The following PTPRA variants were observed in gnomAD, a reference collection of about 807,000 sequenced individuals.
The protein encoded by PTPRA is receptor-type tyrosine-protein phosphatase alpha.
PTPRA carries 25 observed loss-of-function variants against 104.8 expected under a neutral mutation model. That is an observed-to-expected ratio of 0.24 (90% confidence interval 0.17 to 0.33). The LOEUF is 0.33. Ranked by LOEUF, PTPRA falls within the 10% of genes least tolerant of loss-of-function variation. The pLI, the probability that PTPRA is intolerant of heterozygous loss-of-function variation, is 1.00. For synonymous variants in PTPRA, 323 were observed against 368.9 expected (o/e 0.88, Z 1.43); for missense variants, 765 against 1,015.3 (o/e 0.75, Z 3.35).
rs1463756578 is a variant in PTPRA at position 3,027,209 on chromosome 20, G to A, written c.1785+12G>A. On this transcript the variant is annotated intron_variant, in intron 19 of 23. Coordinates refer to ENST00000399903, the MANE Select transcript of PTPRA (RefSeq NM_001385305.1). ...CATCCTTTATTGATGTAAGTGGTGG[G>A]TGTGACCCCTGAGCCCCCAACACCC... The A allele has an allele frequency of 1.9e-6, 3 of 1,612,822 alleles. No homozygotes were observed. The highest frequency in any genetic ancestry group is 1.6e-4 in the Middle Eastern group (1 of 6,080).
intron 6 of PTPRA, among the ~76,000 whole-genome samples, chr20:2,982,221 G>A (rs886206081): frequency 1.3e-5 from 2 of 151,626 alleles, no homozygotes; most frequent in Admixed American, 6.6e-5. Flanking sequence ...CTCCTGAGTA[G>A]CTGGGACCAG....
At chr20:2,909,449 G>T (rs2059542940) in intron 1 of PTPRA, among the ~76,000 whole-genome samples, 2 of 151,906 alleles carry the variant, frequency 1.3e-5, no homozygotes, top group Non-Finnish European at 2.9e-5. Context: ...TGGTGTGGTG[G>T]CTCACACCTA....
chr20:3,018,490 A>C (rs6051530), intron 13 of PTPRA, among the ~76,000 whole-genome samples: 3,144 of 151,710 alleles, frequency 0.021, 88 homozygotes, highest in African/African-American at 0.059. Context: ...CCCTTAATCC[A>C]TTCAACCCTG....
rs1020981160 is a variant in PTPRA, at chr20:2,931,917, T to G, written c.-50+8632T>G. Among the ~76,000 whole-genome samples the G allele has an allele frequency of 9.2e-5, 14 of 152,312 alleles. 1 individual carries two copies. Among genetic ancestry groups the G allele is most frequent in the Admixed American group, 7.8e-4 (12 of 15,304 alleles). ...GCCATCATCTAGCACAGTGCCTGGC[T>G]TTTCAATGGAAGTCTGTTGAATGAC... On this transcript the variant is annotated intron_variant, in intron 2 of 23. Transcript: ENST00000399903.
intron 22 of PTPRA, among the ~76,000 whole-genome samples, chr20:3,036,261 T>G (rs1354371792): frequency 6.6e-6 from 1 of 152,214 alleles, no homozygotes; most frequent in Non-Finnish European, 1.5e-5. Flanking sequence ...CTCCCAGGTT[T>G]GAGCCTGGGT....
intron 5 of PTPRA, among the ~76,000 whole-genome samples, chr20:2,967,257 A>G (rs1479925299): frequency 2.0e-5 from 3 of 152,148 alleles, no homozygotes; most frequent in African/African-American, 4.8e-5. Flanking sequence ...GTTATTGTAC[A>G]TTTAACACAG....
Position 3,022,836 on chromosome 20 carries a change from G to T in PTPRA, c.1464+12G>T, listed in dbSNP as rs779994113. ...TGGTGCAAACCGATGTGAGTGATCT[G>T]TGGGTCAGGTGAGGGTGGGGGGTTC... is the stretch of plus-strand genomic sequence containing the variant. On this transcript the variant is annotated intron_variant, in intron 16 of 23. Transcript: ENST00000399903. This position sits in a 1 kb window ranked among gnomAD's most constrained non-coding sequence, Gnocchi z 4.6. 9 of 1,614,034 alleles carry T rather than the reference G, an allele frequency of 5.6e-6. No homozygotes were observed. Among genetic ancestry groups the T allele is most frequent in the African/African-American group, 1.3e-5 (1 of 74,932 alleles).
rs1204348636 is a variant in PTPRA, at chr20:2,922,847, C to T, written c.-128-360C>T. On this transcript the variant is annotated intron_variant, in intron 1 of 23. Transcript: ENST00000399903. ...GCAGGATTTCAGCATGTTGGCTAGGCTGGTCTCAAACTCCTGACCTCAAGT... is the reference window on the plus strand; with the variant it reads ...GCAGGATTTCAGCATGTTGGCTAGGTTGGTCTCAAACTCCTGACCTCAAGT... Among the ~76,000 whole-genome samples the T allele has an allele frequency of 4.6e-5, 7 of 151,512 alleles. No individual in the cohort carries two copies. In the East Asian group the frequency reaches 1.4e-3, roughly 29 times the overall value.
rs756409812 is a variant in PTPRA at position 2,945,948 on chromosome 20, G to GTA, written c.-49-2022_-49-2021dup. Among the ~76,000 whole-genome samples the GTA allele has an allele frequency of 1.4e-3, 210 of 150,730 alleles. 1 individual carries two copies. Among genetic ancestry groups the GTA allele is most frequent in the Middle Eastern group, 3.5e-3 (1 of 288 alleles). ...CATCTCAATATATATATGCGTGTGT[G>GTA]TATATATATATATCTATATCTTTAA... On this transcript the variant is annotated intron_variant, in intron 2 of 23. Transcript: ENST00000399903.
At chr20:2,935,728 G>A (rs761805092) in intron 2 of PTPRA, among the ~76,000 whole-genome samples, 27 of 152,124 alleles carry the variant, frequency 1.8e-4, no homozygotes, top group Non-Finnish European at 3.5e-4. Flanking sequence ...AAAATTGTTT[G>A]TAGAGTCCAG....
At chr20:3,009,893 G>A (rs2064074889) in intron 11 of PTPRA, among the ~76,000 whole-genome samples, 1 of 151,658 alleles carries the variant, frequency 6.6e-6, no homozygotes, top group Non-Finnish European at 1.5e-5. Context: ...CCGACACCCA[G>A]GCTGGATTGC....
chr20:2,909,932 A>G (rs1265747668), intron 1 of PTPRA, among the ~76,000 whole-genome samples: 9 of 126,354 alleles, frequency 7.1e-5, no homozygotes, highest in Admixed American at 8.8e-5. Flanking sequence ...ATTGTTATAT[A>G]TAATATGTGT....
At chr20:2,864,346 CCA>C in the PTPRA span, 2 of 1,614,132 alleles carry the variant, frequency 1.2e-6, no homozygotes, top group Non-Finnish European at 1.7e-6. The surrounding 1 kb of genome is among the most constrained non-coding windows in gnomAD (Gnocchi z 5.2). Flanking sequence ...AATTCCCACT[CCA>C]CCTTACTCTC....
chr20:3,007,335 G>T lies in PTPRA; in HGVS notation c.830-9G>T, dbSNP rs527874965. The T allele has an allele frequency of 1.9e-6, 3 of 1,612,352 alleles. No individual in the cohort carries two copies. Among genetic ancestry groups the T allele is most frequent in the African/African-American group, 2.7e-5 (2 of 74,992 alleles). On this transcript the variant is annotated splice_polypyrimidine_tract_variant and intron_variant, in intron 10 of 23. Coordinates refer to ENST00000399903, the MANE Select transcript of PTPRA (RefSeq NM_001385305.1). ...GATTTTACTGAAATATTGTTGGTTT[G>T]TTTCCTAGATGACCACTCTAGAGTC...
chr20:2,978,048 A>T (rs1028453336), intron 6 of PTPRA, among the ~76,000 whole-genome samples: 21 of 152,140 alleles, frequency 1.4e-4, no homozygotes, highest in African/African-American at 5.1e-4. Flanking sequence ...TGAAAGAGTA[A>T]GTCATGTGTT....
At chr20:3,020,002 G>T (rs1046234269) in intron 13 of PTPRA, among the ~76,000 whole-genome samples, 16 of 151,654 alleles carry the variant, frequency 1.1e-4, no homozygotes, top group African/African-American at 3.6e-4. Flanking sequence ...CAGGGAGGTT[G>T]CAGTGAGCCG....
intron 1 of PTPRA, among the ~76,000 whole-genome samples, chr20:2,908,621 G>A (rs2059512828): frequency 6.6e-6 from 1 of 152,042 alleles, no homozygotes; most frequent in African/African-American, 2.4e-5. Flanking sequence ...GGCTGGGTGT[G>A]GTGGCTCACA....
intron 9 of PTPRA, among the ~76,000 whole-genome samples, chr20:2,992,079 A>G (rs1257304138): frequency 6.6e-6 from 1 of 152,158 alleles, no homozygotes; most frequent in Non-Finnish European, 1.5e-5. Context: ...TTTCTTCTTC[A>G]GTTAACTGTT....
chr20:2,910,159 CATAT>C (rs143795663), intron 1 of PTPRA, among the ~76,000 whole-genome samples: 4 of 111,744 alleles, frequency 3.6e-5, no homozygotes, highest in East Asian at 4.7e-4. Flanking sequence ...TACTATACGT[CATAT>C]ATAATATGAC....
Sources: gnomAD v4.1 joint callset for allele counts (sites outside exome capture counted in the v4.1 genomes callset) on GRCh38, gnomAD v4.1.1 for gene constraint, Gnocchi (gnomAD v3.1) non-coding constraint, MANE v1.5 for transcripts, NCBI Gene and HGNC (gene_info 2026-07-23, HGNC 2026-07-21) for gene names.